NAALADL2: variants seen among roughly 807,000 people sequenced by gnomAD.
NAALADL2 encodes the protein inactive N-acetylated-alpha-linked acidic dipeptidase-like protein 2.
NAALADL2 carries 76 observed loss-of-function variants against 87.2 expected under a neutral mutation model. That is an observed-to-expected ratio of 0.87 (90% CI 0.72 to 1.05). The LOEUF (loss-of-function observed/expected upper bound fraction) is 1.05, where lower values mean the gene tolerates loss of function less well. NAALADL2 is among the 50% of genes least tolerant of loss of function. The pLI is 0.00. For missense variants in NAALADL2, 1,089 were observed against 945.8 expected, an observed-to-expected ratio of 1.15 and a Z score of -1.99; for synonymous variants, 354 against 331.0, an observed-to-expected ratio of 1.07 and a Z score of -0.75.
intron 1 of NAALADL2, among the ~76,000 whole-genome samples, chr3:175,022,045 C>G (rs1254247465): frequency 4.6e-5 from 7 of 151,930 alleles, no homozygotes. Flanking sequence ...TTAAATAGAG[C>G]TTGGTACCTC....
chr3:175,593,111 C>A (rs139321888), intron 10 of NAALADL2, among the ~76,000 whole-genome samples: 1 of 151,966 alleles, frequency 6.6e-6, no homozygotes, highest in African/African-American at 2.4e-5. Flanking sequence ...AACCCATCAC[C>A]TAGGTATTAA....
chr3:175,710,720 A>C (rs1388799459), intron 11 of NAALADL2, among the ~76,000 whole-genome samples: 1 of 151,584 alleles, frequency 6.6e-6, no homozygotes, highest in African/African-American at 2.4e-5. Context: ...ATAGAAAGAC[A>C]TATGTACATA....
At chr3:174,583,460 A>G (rs571440453) in intron 2 of NAALADL2, among the ~76,000 whole-genome samples, 330 of 152,308 alleles carry the variant, frequency 2.2e-3, no homozygotes, top group Non-Finnish European at 3.5e-3. Flanking sequence ...TATTACACAT[A>G]CAGTGACAGT....
rs887703093 is a variant in NAALADL2, at chr3:175,393,539, T to G, written c.1091-53690T>G. On this transcript the variant is annotated intron_variant, in intron 5 of 13. Coordinates refer to ENST00000454872, the MANE Select transcript of NAALADL2 (RefSeq NM_207015.3). ...AGTATAGTGCAAAAATGCATATCCT[T>G]TTCTAAGATTCATCAGTTGTTAACA... Among the ~76,000 whole-genome samples, 3 of 152,084 alleles carry G rather than the reference T, an allele frequency of 2.0e-5. No homozygotes were observed. The South Asian group carries it at 6.2e-4, about 32-fold the overall frequency.
chr3:175,402,313 T>A (rs145555158), intron 5 of NAALADL2, among the ~76,000 whole-genome samples: 9 of 152,174 alleles, frequency 5.9e-5, no homozygotes, highest in African/African-American at 2.2e-4. Context: ...ACATTTAACA[T>A]CACAAATATG....
At chr3:174,787,597 A>ATACATATATATATATATATATATATG (rs1716885210) in intron 3 of NAALADL2, among the ~76,000 whole-genome samples, 1 of 75,720 alleles carries the variant, frequency 1.3e-5, no homozygotes, top group Admixed American at 1.3e-4. Flanking sequence ...ATATATATAT[A>ATACATATATATATATATATATATATG]TATATATATA....
At chr3:175,315,382 T>C (rs921054494) in intron 4 of NAALADL2, among the ~76,000 whole-genome samples, 10 of 152,186 alleles carry the variant, frequency 6.6e-5, no homozygotes, top group African/African-American at 1.7e-4. Context: ...GAAAATGTAA[T>C]GTGAAATATT....
chr3:175,600,523 G>GTTTTT (rs1560828582), intron 10 of NAALADL2, among the ~76,000 whole-genome samples: 3 of 57,956 alleles, frequency 5.2e-5, no homozygotes, highest in Non-Finnish European at 1.2e-4. Context: ...ATGTGTCTTA[G>GTTTTT]TCTTTTTTTT....
At chr3:175,355,919 G>C (rs1334350322) in intron 5 of NAALADL2, among the ~76,000 whole-genome samples, 1 of 152,150 alleles carries the variant, frequency 6.6e-6, no homozygotes, top group Non-Finnish European at 1.5e-5. Flanking sequence ...AAATGGGTAG[G>C]CAGATAACTA....
At chr3:174,680,373 T>G (rs1246309454) in intron 2 of NAALADL2, among the ~76,000 whole-genome samples, 2 of 152,216 alleles carry the variant, frequency 1.3e-5, no homozygotes, top group African/African-American at 4.8e-5. Flanking sequence ...TTTGACAGTC[T>G]TTTGATCTGT....
chr3:175,054,440 G>T (rs1711678074), intron 1 of NAALADL2, among the ~76,000 whole-genome samples: 1 of 152,190 alleles, frequency 6.6e-6, no homozygotes, highest in Admixed American at 6.5e-5. Context: ...CCCGTGGGTT[G>T]TATAACTGAA....
rs115027863 is a variant in NAALADL2 at position 175,641,949 on chromosome 3, A to G, written c.1896+14563A>G. On this transcript the variant is annotated intron_variant, in intron 11 of 13. Coordinates refer to ENST00000454872, the MANE Select transcript of NAALADL2 (RefSeq NM_207015.3). ...ATATGCTATAATTTTTTAGTGAAAAATGAATCATGTGCACAAAAGAAAGTA... is the reference window on the plus strand; with the variant it reads ...ATATGCTATAATTTTTTAGTGAAAAGTGAATCATGTGCACAAAAGAAAGTA... 6.0e-3 allele frequency among the ~76,000 whole-genome samples: 909 copies of G among 152,312 alleles called. 9 individuals carry two copies. The highest frequency in any genetic ancestry group is 0.021 in the African/African-American group (870 of 41,548).
At chr3:175,026,620 A>T (rs903680632) in intron 1 of NAALADL2, among the ~76,000 whole-genome samples, 4 of 151,594 alleles carry the variant, frequency 2.6e-5, no homozygotes, top group Non-Finnish European at 5.9e-5. Context: ...ACTCAATTGC[A>T]CTTCAGCCCA....
At chr3:175,356,470 G>A (rs1259851788) in intron 5 of NAALADL2, among the ~76,000 whole-genome samples, 2 of 151,688 alleles carry the variant, frequency 1.3e-5, no homozygotes, top group Non-Finnish European at 2.9e-5. Context: ...AGCTACTTGA[G>A]AGGTTGAGGT....
At chr3:174,648,806 ATTAT>A (rs1174513666) in intron 2 of NAALADL2, among the ~76,000 whole-genome samples, 3 of 152,090 alleles carry the variant, frequency 2.0e-5, no homozygotes, top group Non-Finnish European at 2.9e-5. Context: ...AAAGCTTGAA[ATTAT>A]TTATATTTAA....
chr3:175,249,846 G>A (rs1194031930), intron 3 of NAALADL2, among the ~76,000 whole-genome samples: 2 of 152,068 alleles, frequency 1.3e-5, no homozygotes, highest in East Asian at 3.9e-4. Context: ...GGTTAAATGA[G>A]GTCACAAGGG....
At chr3:175,109,647 G>A (rs1230260495) in intron 2 of NAALADL2, among the ~76,000 whole-genome samples, 1 of 151,784 alleles carries the variant, frequency 6.6e-6, no homozygotes, top group Non-Finnish European at 1.5e-5. Context: ...AACTTCAAAC[G>A]AACACTTACT....
At chr3:175,792,458 T>C (rs1159488106) in intron 13 of NAALADL2, among the ~76,000 whole-genome samples, 2 of 152,214 alleles carry the variant, frequency 1.3e-5, no homozygotes, top group Admixed American at 6.5e-5. Flanking sequence ...AACATTACAA[T>C]GTTTTGTTGA....
At chr3:175,197,973 T>A (rs938768897) in intron 2 of NAALADL2, among the ~76,000 whole-genome samples, 3 of 152,098 alleles carry the variant, frequency 2.0e-5, no homozygotes, top group Admixed American at 2.0e-4. Flanking sequence ...CTTTCTTTTT[T>A]AAAAATATAA....
Sources: gnomAD v4.1 joint callset for allele counts (sites outside exome capture counted in the v4.1 genomes callset) on GRCh38, gnomAD v4.1.1 for gene constraint, MANE v1.5 for transcripts, NCBI Gene and HGNC (gene_info 2026-07-23, HGNC 2026-07-21) for gene names.